Variants in AFF2 observed in about 807,000 individuals in gnomAD.
AFF2 encodes the protein ALF transcription elongation factor 2.
A neutral mutation model predicts 76.9 loss-of-function variants in AFF2; 14 were observed. That is an observed-to-expected ratio of 0.18 (90% CI 0.12 to 0.28). AFF2 has a LOEUF of 0.28. Ranked by LOEUF, AFF2 falls within the 10% of genes least tolerant of loss-of-function variation. The pLI is 1.00. For missense variants in AFF2, 868 were observed against 1,001.1 expected (o/e 0.87, Z 1.79); for synonymous variants, 398 against 366.7 (o/e 1.09, Z -0.98).
chrX:148,750,021 G>C (rs1557266374), intron 3 of AFF2, among the ~76,000 whole-genome samples: 1 of 109,308 alleles, frequency 9.1e-6, no homozygotes, highest in African/African-American at 3.3e-5. Context: ...AGGCTGGAGT[G>C]CAATGGTGAA....
At chrX:148,814,200 A>G (rs781857999) in intron 4 of AFF2, among the ~76,000 whole-genome samples, 37 of 111,814 alleles carry the variant, frequency 3.3e-4, no homozygotes, top group South Asian at 1.1e-3. Flanking sequence ...TAATATGGGT[A>G]CCAGCAGCAG....
intron 9 of AFF2, among the ~76,000 whole-genome samples, chrX:148,947,173 C>G (rs2071910049): frequency 8.9e-6 from 1 of 112,129 alleles, no homozygotes; most frequent in Non-Finnish European, 1.9e-5. Flanking sequence ...GACAAACATC[C>G]TAGTGTATAC....
chrX:148,735,344 ATTT>A (rs2055272415), intron 3 of AFF2, among the ~76,000 whole-genome samples: 1 of 112,008 alleles, frequency 8.9e-6, no homozygotes, highest in Non-Finnish European at 1.9e-5. Context: ...ACAATGTGCA[ATTT>A]TTGTTTTGTT....
intron 4 of AFF2, among the ~76,000 whole-genome samples, chrX:148,810,174 T>C (rs782192806): frequency 8.9e-6 from 1 of 112,066 alleles, no homozygotes; most frequent in Admixed American, 9.5e-5. Context: ...GACAGAGACT[T>C]ACCACCTTCT....
At chrX:148,679,167 C>A (rs782621501) in intron 3 of AFF2, among the ~76,000 whole-genome samples, 6 of 105,442 alleles carry the variant, frequency 5.7e-5, no homozygotes, top group Non-Finnish European at 1.2e-4. Context: ...ACATTTCTTT[C>A]CAAACTATAT....
At position 148,980,809 on chromosome X, in the gene AFF2, T is replaced by C. The variant is rs377669050; in HGVS notation, c.3623+19T>C. The C allele has an allele frequency of 6.0e-6, 7 of 1,165,462 alleles. No homozygotes were observed. The highest frequency in any genetic ancestry group is 8.1e-6 in the Non-Finnish European group (7 of 861,916). On this transcript the variant is annotated intron_variant, in intron 19 of 20. Transcript: ENST00000370460. Reference sequence around the variant, plus strand: ...ATGGAAAGTAAGTATTTTCTGAAAATTGCTTTTTCGTGAAGATGAGTGATT... The same window carrying C: ...ATGGAAAGTAAGTATTTTCTGAAAACTGCTTTTTCGTGAAGATGAGTGATT...
intron 12 of AFF2, among the ~76,000 whole-genome samples, chrX:148,960,737 C>T (rs1307885561): frequency 8.9e-6 from 1 of 111,918 alleles, no homozygotes; most frequent in African/African-American, 3.2e-5. Context: ...GCTATAGTTC[C>T]CCATAGTTCA....
rs56767828 is a variant in AFF2, at chrX:148,983,953, C to CAAAAAAAAAAAAAAAAAAAA, written c.3623+3178_3623+3179insAAAAAAAAAAAAAAAAAAAA. ...GAAGTATGGCACAGAGTGAAATAGA[C>CAAAAAAAAAAAAAAAAAAAA]AAAAAAAAAAAAAAACTGCCCTCAT... On this transcript the variant is annotated intron_variant, in intron 19 of 20. Transcript: ENST00000370460. Among the ~76,000 whole-genome samples, 225 of 29,121 alleles carry CAAAAAAAAAAAAAAAAAAAA rather than the reference C, an allele frequency of 7.7e-3. 80 individuals carry two copies. Among genetic ancestry groups the CAAAAAAAAAAAAAAAAAAAA allele is most frequent in the Non-Finnish European group, 0.011 (181 of 16,994 alleles). 25.3% of individuals were successfully genotyped at this position (29,121 alleles called of 115,157 possible). A position where few individuals can be genotyped will look rare whatever the true frequency, so the allele number is the denominator to read the frequency against.
chrX:148,567,895 C>A (rs538750875), intron 1 of AFF2, among the ~76,000 whole-genome samples: 9 of 111,559 alleles, frequency 8.1e-5, no homozygotes, highest in African/African-American at 2.9e-4. Context: ...CAGTAGTGAT[C>A]AGGAGGAGCG....
intron 3 of AFF2, among the ~76,000 whole-genome samples, chrX:148,704,358 ATATATGTGTGTATATATATATT>A (rs1557262168): frequency 2.0e-5 from 1 of 49,352 alleles, no homozygotes; most frequent in African/African-American, 9.2e-5. Flanking sequence ...ATATTTATAT[ATATATGTGTGTATATATATATT>A]TATATATATG....
chrX:148,957,116 T>G (rs1207545035), intron 11 of AFF2, among the ~76,000 whole-genome samples: 1 of 112,124 alleles, frequency 8.9e-6, no homozygotes, highest in Admixed American at 9.4e-5. Context: ...TAAAGTATAC[T>G]CATAAGGTGA....
At chrX:148,749,357 G>A (rs782655764) in intron 3 of AFF2, among the ~76,000 whole-genome samples, 32 of 108,359 alleles carry the variant, frequency 3.0e-4, no homozygotes, top group Non-Finnish European at 5.2e-4. Flanking sequence ...CTATAGCATC[G>A]GACTCCCGGG....
At chrX:148,652,895 G>A (rs1159965240) in intron 2 of AFF2, among the ~76,000 whole-genome samples, 1 of 112,113 alleles carries the variant, frequency 8.9e-6, no homozygotes, top group African/African-American at 3.2e-5. Context: ...AAATGCAGTA[G>A]CAGTGTAATT....
intron 3 of AFF2, among the ~76,000 whole-genome samples, chrX:148,674,965 G>A (rs2054466611): frequency 8.9e-6 from 1 of 112,390 alleles, no homozygotes; most frequent in African/African-American, 3.2e-5. Context: ...AGGGTTGATG[G>A]TCTGTGGCAT....
chrX:148,564,411 G>A (rs943020027), intron 1 of AFF2, among the ~76,000 whole-genome samples: 3 of 107,826 alleles, frequency 2.8e-5, no homozygotes, highest in African/African-American at 1.0e-4. Flanking sequence ...GAGTCAGTGA[G>A]CTGTCTGGAA....
At chrX:148,556,865 C>A (rs1350391358) in intron 1 of AFF2, among the ~76,000 whole-genome samples, 4 of 112,074 alleles carry the variant, frequency 3.6e-5, no homozygotes, top group Non-Finnish European at 7.5e-5. Context: ...TTTGAAATTT[C>A]ATCTTTGTGA....
At chrX:148,589,550 T>G (rs2053503166) in intron 1 of AFF2, among the ~76,000 whole-genome samples, 1 of 112,528 alleles carries the variant, frequency 8.9e-6, no homozygotes, top group Non-Finnish European at 1.9e-5. Context: ...CTTCATTTCA[T>G]GTAGACCTCA....
intron 9 of AFF2, among the ~76,000 whole-genome samples, chrX:148,906,586 C>T (rs1018772574): frequency 1.2e-4 from 13 of 112,090 alleles, no homozygotes; most frequent in African/African-American, 4.2e-4. Context: ...AATCATCTAT[C>T]GCCTGAGAGC....
At chrX:148,644,854 A>G (rs5980559) in intron 1 of AFF2, among the ~76,000 whole-genome samples, 36,994 of 110,895 alleles carry the variant, frequency 0.33, 6,146 homozygotes, top group African/African-American at 0.66. Flanking sequence ...TGTGAGATCC[A>G]GATGCAGTTG....
Sources: gnomAD v4.1 joint callset for allele counts (sites outside exome capture counted in the v4.1 genomes callset) on GRCh38, gnomAD v4.1.1 for gene constraint, MANE v1.5 for transcripts, NCBI Gene and HGNC (gene_info 2026-07-23, HGNC 2026-07-21) for gene names.